The following MALRD1 variants were observed in gnomAD, a reference collection of about 807,000 sequenced individuals.
MALRD1 encodes the protein MAM and LDL receptor class A domain containing 1.
A neutral mutation model predicts 242.1 loss-of-function variants in MALRD1; 247 were observed. That is an observed-to-expected ratio of 1.02 (90% CI 0.92 to 1.13). The LOEUF (loss-of-function observed/expected upper bound fraction) is 1.13. MALRD1 is among the 50% of genes most tolerant of loss of function. The pLI, the probability that MALRD1 is intolerant of heterozygous loss-of-function variation, is 0.00. For missense variants in MALRD1, 2,989 were observed against 2,533.1 expected (o/e 1.18, Z -3.86); for synonymous variants, 995 against 866.6 (o/e 1.15, Z -2.60).
At chr10:19,655,834 G>C (rs1841130985) in intron 36 of MALRD1, among the ~76,000 whole-genome samples, 1 of 151,968 alleles carries the variant, frequency 6.6e-6, no homozygotes, top group Non-Finnish European at 1.5e-5. Context: ...AGAGTGTATG[G>C]AATTTGGGGA....
chr10:19,288,545 T>C (rs895409577), intron 21 of MALRD1, among the ~76,000 whole-genome samples: 2 of 152,052 alleles, frequency 1.3e-5, no homozygotes, highest in African/African-American at 2.4e-5. Context: ...ATATACATGG[T>C]AATAATTATT....
intron 33 of MALRD1, among the ~76,000 whole-genome samples, chr10:19,575,846 A>G (rs1304373687): frequency 6.6e-6 from 1 of 152,206 alleles, no homozygotes; most frequent in Non-Finnish European, 1.5e-5. Flanking sequence ...TGTTCATCAG[A>G]ATCTCTGTAA....
At chr10:19,058,164 C>G (rs553589818) in intron 1 of MALRD1, among the ~76,000 whole-genome samples, 3 of 152,238 alleles carry the variant, frequency 2.0e-5, no homozygotes, top group Non-Finnish European at 4.4e-5. Flanking sequence ...GAGGCTTAGA[C>G]TAGGTAAAAG....
intron 18 of MALRD1, among the ~76,000 whole-genome samples, chr10:19,255,172 T>C (rs185730214): frequency 2.6e-5 from 4 of 152,118 alleles, no homozygotes; most frequent in Admixed American, 2.6e-4. Context: ...CTAATATAAG[T>C]AGAATTGACC....
intron 28 of MALRD1, among the ~76,000 whole-genome samples, chr10:19,427,506 G>A (rs1012005506): frequency 6.6e-6 from 1 of 152,076 alleles, no homozygotes; most frequent in Non-Finnish European, 1.5e-5. Context: ...ACCATGTCTC[G>A]CAGATGGCCT....
chr10:19,436,622 A>G (rs1172899282), intron 28 of MALRD1, among the ~76,000 whole-genome samples: 1 of 152,120 alleles, frequency 6.6e-6, no homozygotes, highest in Non-Finnish European at 1.5e-5. Context: ...CTTTAGTTTT[A>G]CAGACTCCAT....
intron 18 of MALRD1, among the ~76,000 whole-genome samples, chr10:19,219,442 T>C (rs1051325238): frequency 1.3e-5 from 2 of 152,152 alleles, no homozygotes; most frequent in African/African-American, 4.8e-5. Flanking sequence ...TTTTCTTCTT[T>C]TTTATTTTTT....
chr10:19,275,400 G>A lies in MALRD1; in HGVS notation c.3080-4647G>A, dbSNP rs908960636. ...AAATCAGAAATCGGCCGGGTGCGGT[G>A]GCTCACGCCTGTAATCCCAGCACTT... On this transcript the variant is annotated intron_variant, in intron 19 of 39. Coordinates refer to ENST00000454679, the MANE Select transcript of MALRD1 (RefSeq NM_001142308.3). 7.2e-5 allele frequency among the ~76,000 whole-genome samples: 11 copies of A among 152,172 alleles called. No homozygotes were observed. The South Asian group carries it at 2.1e-3, about 29-fold the overall frequency.
At chr10:19,551,538 G>A (rs987992751) in intron 32 of MALRD1, among the ~76,000 whole-genome samples, 2 of 152,120 alleles carry the variant, frequency 1.3e-5, no homozygotes, top group African/African-American at 2.4e-5. Context: ...ATAGGATCAT[G>A]TCGCCTGCAA....
intron 33 of MALRD1, among the ~76,000 whole-genome samples, chr10:19,586,726 G>A (rs1213536134): frequency 6.6e-6 from 1 of 152,240 alleles, no homozygotes; most frequent in African/African-American, 2.4e-5. Context: ...GAGGCCCGCA[G>A]GCCTCCTTGA....
At chr10:19,678,548 T>A (rs565210630) in intron 36 of MALRD1, among the ~76,000 whole-genome samples, 2 of 152,212 alleles carry the variant, frequency 1.3e-5, no homozygotes, top group Admixed American at 1.3e-4. Flanking sequence ...AAAGTTGCAT[T>A]TCAGCTTAAG....
intron 36 of MALRD1, among the ~76,000 whole-genome samples, chr10:19,683,215 C>CT (rs1842448572): frequency 6.6e-6 from 1 of 152,104 alleles, no homozygotes; most frequent in Non-Finnish European, 1.5e-5. Context: ...ACTTTTTACT[C>CT]TTTCTAAGTC....
chr10:19,257,698 T>C lies in MALRD1; in HGVS notation c.3006T>C (p.Ala1002=). The change falls in exon 19 of 40, where the codon GCT becomes GCC. Residue 1002 remains alanine (A), a synonymous_variant. Transcript: ENST00000454679. ...SRQPFQILVE[A]SVGDGFTGDI... is the part of the protein sequence containing the mutation. ...TATTTTTTTAGATATTGGTGGAGGC[T>C]TCAGTGGGAGATGGCTTCACTGGAG... 2 of 1,538,752 alleles carry C rather than the reference T, an allele frequency of 1.3e-6. No homozygotes were observed. The highest frequency in any genetic ancestry group is 1.8e-6 in the Non-Finnish European group (2 of 1,139,784).
At chr10:19,245,565 A>T (rs1396143972) in intron 18 of MALRD1, among the ~76,000 whole-genome samples, 1 of 152,192 alleles carries the variant, frequency 6.6e-6, no homozygotes, top group Admixed American at 6.6e-5. Context: ...GTATGTGAAA[A>T]ATTATAAAAT....
rs1396128649 is a variant in MALRD1, at chr10:19,083,149, T to C, written c.341-4691T>C. 2.6e-5 allele frequency among the ~76,000 whole-genome samples: 4 copies of C among 152,064 alleles called. No individual in the cohort carries two copies. The East Asian group carries it at 7.7e-4, about 29-fold the overall frequency. ...GATTATGTTTCCACATATGAATGTG[T>C]GTGTGTGCAGGGGCACAAACTTTCA... is the stretch of plus-strand genomic sequence containing the variant. On this transcript the variant is annotated intron_variant, in intron 2 of 39. Coordinates refer to ENST00000454679, the MANE Select transcript of MALRD1 (RefSeq NM_001142308.3).
intron 28 of MALRD1, among the ~76,000 whole-genome samples, chr10:19,447,830 A>G (rs1050120344): frequency 1.3e-5 from 2 of 152,174 alleles, no homozygotes; most frequent in African/African-American, 4.8e-5. Flanking sequence ...AACCTTGAGA[A>G]GGACTTATCT....
intron 1 of MALRD1, among the ~76,000 whole-genome samples, chr10:19,053,016 A>G (rs1449458972): frequency 2.6e-5 from 4 of 152,194 alleles, no homozygotes. Context: ...TCCCTTGATT[A>G]GTTCTGGGAC....
At chr10:19,346,311 G>T (rs1430578421) in intron 24 of MALRD1, among the ~76,000 whole-genome samples, 1 of 152,146 alleles carries the variant, frequency 6.6e-6, no homozygotes, top group Non-Finnish European at 1.5e-5. Flanking sequence ...AATTACCATA[G>T]CATCTGTGGG....
chr10:19,307,622 T>C (rs1468400860), intron 21 of MALRD1, among the ~76,000 whole-genome samples: 2 of 151,530 alleles, frequency 1.3e-5, no homozygotes, highest in Admixed American at 1.3e-4. Context: ...CATGGCTCTT[T>C]GAGGCAAATT....
Sources: gnomAD v4.1 joint callset for allele counts (sites outside exome capture counted in the v4.1 genomes callset) on GRCh38, gnomAD v4.1.1 for gene constraint, MANE v1.5 for transcripts, NCBI Gene and HGNC (gene_info 2026-07-23, HGNC 2026-07-21) for gene names.